TFDP2: variants seen among roughly 807,000 people sequenced by gnomAD.
TFDP2 encodes the protein transcription factor Dp-2 (E2F dimerization partner 2).
In TFDP2, 17 loss-of-function variants were observed where a neutral mutation model predicts 59.3. The ratio of observed to expected loss-of-function variants is 0.29; its 90% confidence interval spans 0.20 to 0.43. TFDP2 has a LOEUF of 0.43. Among genes scored for constraint, TFDP2 ranks in the 20% least tolerant of loss-of-function variants. TFDP2 has a pLI of 1.00. For missense variants in TFDP2, 391 were observed against 528.8 expected (o/e 0.74, Z 2.56); for synonymous variants, 180 against 194.7 (o/e 0.92, Z 0.63).
chr3:141,987,880 A>G (rs1942291573), intron 6 of TFDP2, among the ~76,000 whole-genome samples: 2 of 148,720 alleles, frequency 1.3e-5, no homozygotes, highest in Admixed American at 6.8e-5. Context: ...CAGTGGTTGC[A>G]GTGGGCTGAG....
At chr3:142,114,182 T>G (rs1339850240) in intron 1 of TFDP2, among the ~76,000 whole-genome samples, 1 of 151,172 alleles carries the variant, frequency 6.6e-6, no homozygotes, top group Non-Finnish European at 1.5e-5. Flanking sequence ...AAAAAAGGTA[T>G]AGTTATCTCC....
At chr3:141,957,641 G>A (rs1936860112) in intron 11 of TFDP2, among the ~76,000 whole-genome samples, 1 of 152,114 alleles carries the variant, frequency 6.6e-6, no homozygotes, top group Admixed American at 6.6e-5. Flanking sequence ...CAATAAAGAG[G>A]AATGAAATAC....
At chr3:142,092,722 C>A (rs1705615) in intron 3 of TFDP2, among the ~76,000 whole-genome samples, 1 of 152,134 alleles carries the variant, frequency 6.6e-6, no homozygotes, top group African/African-American at 2.4e-5. Flanking sequence ...CACATATATA[C>A]GTATTTTCTC....
intron 3 of TFDP2, among the ~76,000 whole-genome samples, chr3:142,023,122 CAAAAAAAAA>C (rs765096570): frequency 3.4e-5 from 2 of 59,602 alleles, no homozygotes; most frequent in Non-Finnish European, 5.5e-5. Context: ...CCCTCCGTCT[CAAAAAAAAA>C]AAAAAAAAAA....
rs1428329330 is a variant in TFDP2 at position 141,995,059 on chromosome 3, G to A, written c.269C>T (p.Thr90Ile). The A allele has an allele frequency of 6.2e-7, 1 of 1,610,202 alleles. No homozygotes were observed. The highest frequency in any genetic ancestry group is 8.5e-7 in the Non-Finnish European group (1 of 1,177,886). ...AGTAGCTTCTGCTATGTGTGTCTGA[G>A]TAACCATTGCTGGTGCAGGGGTATA... ...SPYTPAPAMV[T>I]QTHIAEATGW... Residue 90 changes from threonine to isoleucine, a missense_variant, in exon 5 of 13, where the codon ACT becomes ATT. Thr to Ile is a moderately conservative substitution (Grantham distance 89). Coordinates refer to ENST00000489671, the MANE Select transcript of TFDP2 (RefSeq NM_001178139.2).
Position 141,973,123 on chromosome 3 carries a change from A to ATATATT in TFDP2, c.663+924_663+925insAATATA. 2.4e-3 allele frequency among the ~76,000 whole-genome samples: 140 copies of ATATATT among 57,990 alleles called. 2 individuals are homozygous for ATATATT. The highest frequency in any genetic ancestry group is 0.013 in the South Asian group (28 of 2,134). The allele number at this position is 57,990 out of a possible 152,430, so 38.0% of individuals were successfully genotyped here. A position where few individuals can be genotyped will look rare whatever the true frequency, so the allele number is the denominator to read the frequency against. On this transcript the variant is annotated intron_variant, in intron 8 of 12. Transcript: ENST00000489671. ...TATATATATATATATATATATATAT[A>ATATATT]TTTTTTTTTTTTAAAGATGGAGTCT...
At chr3:142,069,641 T>C (rs1202014192) in intron 3 of TFDP2, among the ~76,000 whole-genome samples, 2 of 151,692 alleles carry the variant, frequency 1.3e-5, no homozygotes, top group Non-Finnish European at 1.5e-5. Flanking sequence ...AGTTTCGCTC[T>C]TGTTGCCCAG....
intron 6 of TFDP2, among the ~76,000 whole-genome samples, chr3:141,991,420 C>A (rs1321096206): frequency 6.6e-6 from 1 of 151,990 alleles, no homozygotes; most frequent in African/African-American, 2.4e-5. Flanking sequence ...ATATTTCAGT[C>A]TTGTTTATAA....
intron 2 of TFDP2, among the ~76,000 whole-genome samples, chr3:142,098,986 C>T (rs2061245188): frequency 6.6e-6 from 1 of 152,062 alleles, no homozygotes; most frequent in Admixed American, 6.6e-5. Context: ...TATAAGAGAC[C>T]TAATAAAGCA....
intron 1 of TFDP2, among the ~76,000 whole-genome samples, chr3:142,129,777 A>G (rs2108724509): frequency 6.6e-6 from 1 of 151,802 alleles, no homozygotes; most frequent in African/African-American, 2.4e-5. Context: ...ATCTTTTACA[A>G]AAAAATTAAA....
intron 3 of TFDP2, among the ~76,000 whole-genome samples, chr3:142,055,632 T>C (rs1384191790): frequency 2.0e-5 from 3 of 152,206 alleles, no homozygotes; most frequent in African/African-American, 7.2e-5. Context: ...AAACCTATTA[T>C]CATTACATAA....
chr3:141,967,372 A>AACCTCTGC (rs1938276234), intron 9 of TFDP2, among the ~76,000 whole-genome samples: 1 of 150,522 alleles, frequency 6.6e-6, no homozygotes, highest in Admixed American at 6.6e-5. Flanking sequence ...AGCTCACTGC[A>AACCTCTGC]ACCTCTGCCT....
chr3:141,971,506 C>A (rs970835788), intron 8 of TFDP2, among the ~76,000 whole-genome samples: 2 of 151,290 alleles, frequency 1.3e-5, no homozygotes, highest in Non-Finnish European at 1.5e-5. Context: ...CCGAAGATTG[C>A]GCCACTGAAC....
rs1317281521 is a variant in TFDP2 at position 141,952,473 on chromosome 3, CAT to C, written c.*38_*39del. 1 of 1,487,090 alleles carries C rather than the reference CAT, an allele frequency of 6.7e-7. No homozygotes were observed. The highest frequency in any genetic ancestry group is 1.4e-5 in the African/African-American group (1 of 70,096). 92.1% of individuals were successfully genotyped at this position (1,487,090 alleles called of 1,614,324 possible). ...AACAAGAGCTCACACTACAAACACA[CAT>C]GAGCATCACATATTGAAACGTAGGC... On this transcript the variant is annotated 3_prime_UTR_variant, in exon 13 of 13. Coordinates refer to ENST00000489671, the MANE Select transcript of TFDP2 (RefSeq NM_001178139.2).
intron 3 of TFDP2, chr3:142,054,184 C>T (rs990489866): frequency 2.0e-5 from 3 of 152,132 alleles, no homozygotes. Flanking sequence ...AACACATAAG[C>T]TTGTATTTGA....
intron 1 of TFDP2, among the ~76,000 whole-genome samples, chr3:142,139,670 T>C (rs2062864958): frequency 6.6e-6 from 1 of 150,562 alleles, no homozygotes; most frequent in Admixed American, 6.7e-5. Flanking sequence ...AAAATTATTT[T>C]CTTTAAGAAT....
At chr3:141,968,508 C>CAT (rs535271824) in intron 9 of TFDP2, among the ~76,000 whole-genome samples, 13,076 of 79,870 alleles carry the variant, frequency 0.16, 2,037 homozygotes, top group Non-Finnish European at 0.2. Context: ...ATATATATAA[C>CAT]ATATATATCT....
At chr3:142,088,355 G>C (rs2060876549) in intron 3 of TFDP2, among the ~76,000 whole-genome samples, 1 of 150,260 alleles carries the variant, frequency 6.7e-6, no homozygotes, top group African/African-American at 2.5e-5. Flanking sequence ...TTTTGAGACA[G>C]AGTTTCACTC....
intron 11 of TFDP2, among the ~76,000 whole-genome samples, chr3:141,954,147 C>T (rs953165239): frequency 6.6e-6 from 1 of 151,302 alleles, no homozygotes; most frequent in Admixed American, 6.6e-5. Context: ...GCAACAAGAG[C>T]GAAACTCCAT....
Sources: allele counts gnomAD v4.1 joint callset (sites outside exome capture counted in the v4.1 genomes callset), GRCh38; gene constraint gnomAD v4.1.1; transcripts MANE v1.5; gene names NCBI Gene and HGNC (gene_info 2026-07-23, HGNC 2026-07-21).